Variants in FGF13 observed in about 807,000 individuals in gnomAD.
The protein encoded by FGF13 is fibroblast growth factor homologous factor 2.
FGF13 carries 2 observed loss-of-function variants against 19.5 expected under a neutral mutation model. The ratio of observed to expected loss-of-function variants is 0.10; its 90% CI spans 0.04 to 0.32. The LOEUF (loss-of-function observed/expected upper bound fraction) is 0.32. Ranked by LOEUF, FGF13 falls within the 10% of genes least tolerant of loss-of-function variation. The probability of loss-of-function intolerance (pLI) is 1.00; values close to 1 mark genes in which losing one functional copy is unlikely to be tolerated. For synonymous variants in FGF13, 72 were observed against 76.9 expected, an observed-to-expected ratio of 0.94 and a Z score of 0.33; for missense variants, 113 against 192.7, an observed-to-expected ratio of 0.59 and a Z score of 2.45.
At chrX:138,827,929 T>G (rs963622334) in intron 3 of FGF13, among the ~76,000 whole-genome samples, 1 of 111,963 alleles carries the variant, frequency 8.9e-6, no homozygotes, top group Non-Finnish European at 1.9e-5. Context: ...ATCACACAGC[T>G]AATAAGTGGC....
intron 3 of FGF13, among the ~76,000 whole-genome samples, chrX:138,762,468 A>G (rs1028721275): frequency 5.3e-5 from 6 of 112,474 alleles, no homozygotes; most frequent in Non-Finnish European, 9.4e-5. Context: ...CAAAGAAGAA[A>G]TTAATTGGCT....
chrX:139,016,485 A>G (rs2092153619), intron 1 of FGF13, among the ~76,000 whole-genome samples: 1 of 111,680 alleles, frequency 9.0e-6, no homozygotes, highest in Non-Finnish European at 1.9e-5. Flanking sequence ...TGCAAGTAAA[A>G]GTGTAACATA....
rs193084369 is a variant in FGF13, at chrX:138,916,174, G to A, written c.-112-51524C>T. ...GCAGTGAGTCGATTGCAAGACAGCA[G>A]GAGATGACTTGAAAATCTCACTCTC... On this transcript the variant is annotated intron_variant, in intron 1 of 2. Coordinates refer to the FGF13 transcript ENST00000421460. Among the ~76,000 whole-genome samples, 27 of 111,835 alleles carry A rather than the reference G, an allele frequency of 2.4e-4. No homozygotes were observed. In the Admixed American group the frequency reaches 2.6e-3, roughly 11 times the overall value.
chrX:138,636,194 A>G (rs1001269507), intron 3 of FGF13, among the ~76,000 whole-genome samples: 3 of 112,132 alleles, frequency 2.7e-5, no homozygotes, highest in Non-Finnish European at 5.6e-5. Context: ...GGTAAACCAA[A>G]TTGATTTTTT....
intron 3 of FGF13, among the ~76,000 whole-genome samples, chrX:138,846,251 C>T (rs1334992442): frequency 1.9e-5 from 2 of 105,672 alleles, no homozygotes; most frequent in African/African-American, 6.8e-5. Context: ...TGGCAACTAG[C>T]GACCACAAAG....
chrX:139,188,787 A>C (rs1452277974), intron 1 of FGF13, among the ~76,000 whole-genome samples: 1 of 112,522 alleles, frequency 8.9e-6, no homozygotes, highest in East Asian at 2.8e-4. Flanking sequence ...GCAGATAAAA[A>C]CAAATAAAAA....
intron 1 of FGF13, among the ~76,000 whole-genome samples, chrX:139,122,581 T>C (rs2083685174): frequency 8.9e-6 from 1 of 112,038 alleles, no homozygotes; most frequent in Admixed American, 9.5e-5. Context: ...ACCAGCACTC[T>C]TTTGATTCAC....
chrX:138,856,675 T>A (rs2091259695), downstream of FGF13, among the ~76,000 whole-genome samples: 1 of 112,243 alleles, frequency 8.9e-6, no homozygotes, highest in Non-Finnish European at 1.9e-5. Flanking sequence ...GTTTAACAAG[T>A]ATTAGCATTT....
At chrX:138,752,348 A>C (rs776734516) in intron 3 of FGF13, among the ~76,000 whole-genome samples, 1 of 110,649 alleles carries the variant, frequency 9.0e-6, no homozygotes, top group South Asian at 4.0e-4. Context: ...AATCGCTTGA[A>C]ACCGGGGGCA....
chrX:138,916,126 G>C (rs1474694625), intron 1 of FGF13, among the ~76,000 whole-genome samples: 2 of 111,855 alleles, frequency 1.8e-5, no homozygotes, highest in African/African-American at 3.3e-5. Context: ...GTTGATCACA[G>C]AGCAACATCT....
intron 3 of FGF13, among the ~76,000 whole-genome samples, chrX:138,784,841 C>T (rs7883878): frequency 0.029 from 3,281 of 111,710 alleles, 125 homozygotes; most frequent in African/African-American, 0.1. Flanking sequence ...CACACATCTG[C>T]CTTGCAAAGC....
At chrX:138,998,651 T>C (rs1006850832) in intron 1 of FGF13, among the ~76,000 whole-genome samples, 2 of 111,661 alleles carry the variant, frequency 1.8e-5, no homozygotes, top group Non-Finnish European at 3.8e-5. Context: ...TAAATATATA[T>C]GCACCCAATA....
chrX:138,905,062 T>C (rs1333066128), intron 1 of FGF13, among the ~76,000 whole-genome samples: 1 of 111,487 alleles, frequency 9.0e-6, no homozygotes, highest in Non-Finnish European at 1.9e-5. Flanking sequence ...ACTTAAGAAA[T>C]CTGGCAGTGG....
At chrX:139,157,591 G>A (rs181015229) in intron 1 of FGF13, among the ~76,000 whole-genome samples, 1 of 112,509 alleles carries the variant, frequency 8.9e-6, no homozygotes, top group Non-Finnish European at 1.9e-5. Context: ...CCATGCAGGT[G>A]TAATGGTTTT....
intron 1 of FGF13, among the ~76,000 whole-genome samples, chrX:138,899,303 A>AT (rs1331430636): frequency 9.0e-6 from 1 of 111,189 alleles, no homozygotes; most frequent in African/African-American, 3.3e-5. Context: ...GGAAGCTTGT[A>AT]TTTAAATACA....
intron 1 of FGF13, chrX:138,985,239 T>G (rs2091990512): frequency 4.0e-6 from 1 of 248,585 alleles, no homozygotes; most frequent in South Asian, 4.1e-5. Flanking sequence ...TGTCCTGGAT[T>G]TTGGTTTTGG....
At chrX:139,186,167 ACTGAAAATCAGG>A (rs1267025158) in intron 1 of FGF13, among the ~76,000 whole-genome samples, 4 of 111,812 alleles carry the variant, frequency 3.6e-5, no homozygotes, top group Non-Finnish European at 7.5e-5. Context: ...ATGAATCACC[ACTGAAAATCAGG>A]CTGCAATCAC....
intron 3 of FGF13, among the ~76,000 whole-genome samples, chrX:138,824,456 C>T (rs2091020551): frequency 9.0e-6 from 1 of 111,697 alleles, no homozygotes; most frequent in Non-Finnish European, 1.9e-5. Context: ...ACTCACTTGT[C>T]AGGGCAAAGA....
At chrX:139,180,354 A>T (rs1441841595) in intron 1 of FGF13, among the ~76,000 whole-genome samples, 1 of 112,334 alleles carries the variant, frequency 8.9e-6, no homozygotes, top group African/African-American at 3.2e-5. Context: ...AATGACTGGC[A>T]TCATACTGGG....
Sources: gnomAD v4.1 joint callset for allele counts (sites outside exome capture counted in the v4.1 genomes callset) on GRCh38, gnomAD v4.1.1 for gene constraint, MANE v1.5 for transcripts, NCBI Gene and HGNC (gene_info 2026-07-23, HGNC 2026-07-21) for gene names.